PRKG1: variants seen among roughly 807,000 people sequenced by gnomAD.
The protein encoded by PRKG1 is protein kinase cGMP-dependent 1.
In PRKG1, 35 loss-of-function variants were observed where a neutral mutation model predicts 88.1. The observed-to-expected ratio is 0.40, with a 90% CI of 0.30 to 0.53. PRKG1 has a LOEUF of 0.53. PRKG1 is among the 20% of genes least tolerant of loss of function. PRKG1 has a pLI of 0.59. For synonymous variants in PRKG1, 303 were observed against 292.5 expected, an observed-to-expected ratio of 1.04 and a Z score of -0.37; for missense variants, 540 against 839.8, an observed-to-expected ratio of 0.64 and a Z score of 4.41.
At chr10:50,999,689 C>A (rs779138620) in intron 1 of PRKG1, among the ~76,000 whole-genome samples, 13 of 152,144 alleles carry the variant, frequency 8.5e-5, no homozygotes, top group Admixed American at 5.2e-4. Context: ...GTCTAATAAG[C>A]AAATCTATAA....
chr10:51,191,846 C>G (rs1837639409), intron 2 of PRKG1, among the ~76,000 whole-genome samples: 1 of 151,704 alleles, frequency 6.6e-6, no homozygotes, highest in Admixed American at 6.6e-5. Flanking sequence ...ATTACATCCC[C>G]TAGGCATAGT....
At chr10:51,847,348 T>C (rs1184344212) in intron 4 of PRKG1, among the ~76,000 whole-genome samples, 6 of 152,078 alleles carry the variant, frequency 3.9e-5, no homozygotes, top group Non-Finnish European at 7.4e-5. Flanking sequence ...TCTCAAAAAA[T>C]AATAAGTTTT....
chr10:51,598,490 T>C (rs1289481836), intron 3 of PRKG1, among the ~76,000 whole-genome samples: 1 of 152,216 alleles, frequency 6.6e-6, no homozygotes, highest in African/African-American at 2.4e-5. Flanking sequence ...GCTAGGCTGG[T>C]CAAGTGATCC....
chr10:51,748,332 G>A (rs1837632983), intron 3 of PRKG1, among the ~76,000 whole-genome samples: 1 of 152,188 alleles, frequency 6.6e-6, no homozygotes, highest in Non-Finnish European at 1.5e-5. Flanking sequence ...GGCCTGTTGT[G>A]TAGGCCTGCC....
At chr10:51,383,877 T>A (rs1837182047) in intron 2 of PRKG1, among the ~76,000 whole-genome samples, 1 of 152,222 alleles carries the variant, frequency 6.6e-6, no homozygotes, top group Admixed American at 6.5e-5. Context: ...TCTTCAATTA[T>A]GCAGCTTTCC....
chr10:52,212,044 T>A (rs1839990903), intron 9 of PRKG1, among the ~76,000 whole-genome samples: 1 of 152,132 alleles, frequency 6.6e-6, no homozygotes, highest in South Asian at 2.1e-4. Flanking sequence ...TTAGACAAAT[T>A]TAACAGAATT....
At chr10:51,198,143 C>G (rs527998034) in intron 2 of PRKG1, among the ~76,000 whole-genome samples, 1 of 152,046 alleles carries the variant, frequency 6.6e-6, no homozygotes, top group Non-Finnish European at 1.5e-5. Context: ...CAGTTTTGGG[C>G]AGGATAGTTG....
chr10:51,472,171 A>G (rs868198787), intron 3 of PRKG1, among the ~76,000 whole-genome samples: 4 of 151,900 alleles, frequency 2.6e-5, no homozygotes, highest in Non-Finnish European at 4.4e-5. Context: ...ACTAATTAAG[A>G]TATTTTACTA....
At chr10:51,785,095 C>T (rs370563771) in intron 3 of PRKG1, among the ~76,000 whole-genome samples, 3 of 149,282 alleles carry the variant, frequency 2.0e-5, no homozygotes, top group East Asian at 2.0e-4. Context: ...AACAAGTCCT[C>T]GTTAGAAATA....
Position 52,105,058 on chromosome 10 carries a change from G to A in PRKG1, c.936-28782G>A, listed in dbSNP as rs562886693. ...GACAACTAACAGAGGCCACGCAGAT[G>A]CTATTTTAAGAATCATTGAAAAGAA... On this transcript the variant is annotated intron_variant, in intron 7 of 17. Coordinates refer to ENST00000373980, the MANE Select transcript of PRKG1 (RefSeq NM_006258.4). Among the ~76,000 whole-genome samples, 15 of 152,288 alleles carry A rather than the reference G, an allele frequency of 9.8e-5. No individual in the cohort carries two copies. The East Asian group carries it at 2.9e-3, about 29-fold the overall frequency.
intron 4 of PRKG1, among the ~76,000 whole-genome samples, chr10:51,884,887 C>T (rs144146874): frequency 7.7e-4 from 117 of 152,280 alleles, no homozygotes; most frequent in Middle Eastern, 6.8e-3. Flanking sequence ...TCCACCTCTT[C>T]GTAGGAGAAG....
At chr10:51,972,462 T>C (rs1450612896) in intron 5 of PRKG1, among the ~76,000 whole-genome samples, 1 of 152,202 alleles carries the variant, frequency 6.6e-6, no homozygotes, top group Admixed American at 6.6e-5. Context: ...CCACCTTATT[T>C]CTTTACTAGC....
At chr10:51,341,211 CT>C (rs1411400117) in intron 2 of PRKG1, among the ~76,000 whole-genome samples, 1 of 152,202 alleles carries the variant, frequency 6.6e-6, no homozygotes, top group African/African-American at 2.4e-5. Context: ...TAAACTATTA[CT>C]TTTTTTAAAG....
intron 3 of PRKG1, among the ~76,000 whole-genome samples, chr10:51,527,856 G>T (rs1207692488): frequency 6.6e-6 from 1 of 152,124 alleles, no homozygotes; most frequent in Non-Finnish European, 1.5e-5. Flanking sequence ...TATCTCCCTA[G>T]TTAAGTAAAT....
At chr10:52,068,467 C>T (rs1054070848) in intron 7 of PRKG1, among the ~76,000 whole-genome samples, 1 of 152,078 alleles carries the variant, frequency 6.6e-6, no homozygotes, top group Non-Finnish European at 1.5e-5. Context: ...TGCTTTGGAA[C>T]TTATTCTGTC....
intron 5 of PRKG1, among the ~76,000 whole-genome samples, chr10:51,948,878 A>G (rs1375284811): frequency 6.6e-6 from 1 of 152,232 alleles, no homozygotes; most frequent in Non-Finnish European, 1.5e-5. Context: ...TAATTCTTTA[A>G]AACATTGATT....
At chr10:51,984,883 A>T (rs1359125796) in intron 5 of PRKG1, among the ~76,000 whole-genome samples, 4 of 152,214 alleles carry the variant, frequency 2.6e-5, no homozygotes, top group African/African-American at 9.6e-5. Context: ...AGGCAAGGTC[A>T]TGACAGTAAA....
At chr10:51,664,958 G>A (rs1369126556) in intron 3 of PRKG1, among the ~76,000 whole-genome samples, 3 of 152,072 alleles carry the variant, frequency 2.0e-5, no homozygotes, top group Non-Finnish European at 4.4e-5. Flanking sequence ...CTGACCTGTG[G>A]ACTTTTAAAA....
intron 1 of PRKG1, among the ~76,000 whole-genome samples, chr10:51,124,108 T>C (rs1202456716): frequency 6.6e-6 from 1 of 152,106 alleles, no homozygotes; most frequent in Non-Finnish European, 1.5e-5. Flanking sequence ...ATCATGCTCT[T>C]TTCATCCGCA....
Sources: gnomAD v4.1 joint callset for allele counts (sites outside exome capture counted in the v4.1 genomes callset) on GRCh38, gnomAD v4.1.1 for gene constraint, MANE v1.5 for transcripts, NCBI Gene and HGNC (gene_info 2026-07-23, HGNC 2026-07-21) for gene names.